The following CCT3 variants were observed in gnomAD, a reference collection of about 807,000 sequenced individuals.
The protein encoded by CCT3 is chaperonin containing TCP1 subunit 3, also known as T-complex protein 1 subunit gamma.
In CCT3, 10 loss-of-function variants were observed where a neutral mutation model predicts 65.3. That is an observed-to-expected ratio of 0.15 (90% CI 0.09 to 0.26). CCT3 has a LOEUF of 0.26. Among genes scored for constraint, CCT3 ranks in the 10% least tolerant of loss-of-function variants. The pLI is 1.00. For missense variants in CCT3, 626 were observed against 708.7 expected (o/e 0.88, Z 1.33); for synonymous variants, 225 against 242.3 (o/e 0.93, Z 0.66).
chr1:156,310,037 CAAAAAAAAA>C (rs71080758), intron 13 of CCT3, among the ~76,000 whole-genome samples: 1 of 76,494 alleles, frequency 1.3e-5, no homozygotes, highest in South Asian at 5.2e-4. Context: ...TAGTCTGTTT[CAAAAAAAAA>C]AAAAAAAAAA....
intron 13 of CCT3, among the ~76,000 whole-genome samples, chr1:156,310,195 C>T (rs1664021665): frequency 6.6e-6 from 1 of 152,056 alleles, no homozygotes; most frequent in Non-Finnish European, 1.5e-5. Flanking sequence ...TTACCCCTCC[C>T]TTCAAGACTA....
Position 156,310,702 on chromosome 1 carries a change from C to CAAGA in CCT3, c.1402-17_1402-14dup. 6.2e-7 allele frequency: 1 copy of CAAGA among 1,611,692 alleles called. No individual in the cohort carries two copies. The highest frequency in any genetic ancestry group is 2.2e-5 in the East Asian group (1 of 44,850). ...GGGTGTGCTTGGCCTGCAATTGAAGCAAGAAGTAAAGGGGAAAATAAGTTA... is the reference window on the plus strand; with the variant it reads ...GGGTGTGCTTGGCCTGCAATTGAAGCAAGAAAGAAGTAAAGGGGAAAATAAGTTA... On this transcript the variant is annotated splice_polypyrimidine_tract_variant and intron_variant, in intron 12 of 13. Transcript: ENST00000295688.
chr1:156,338,090 A>T, intron 1 of CCT3, 64 bp downstream of exon 1: 7 of 1,542,420 alleles, frequency 4.5e-6, no homozygotes, highest in Admixed American at 2.0e-5. Flanking sequence ...CTGGGGCAAC[A>T]CTGAAAAGTA....
At position 156,334,782 on chromosome 1, in the gene CCT3, T is replaced by C. The variant is rs1665262326; in HGVS notation, c.145-7A>G. The C allele has an allele frequency of 6.2e-7, 1 of 1,614,022 alleles. No homozygotes were observed. The highest frequency in any genetic ancestry group is 1.1e-5 in the South Asian group (1 of 91,080). ...CCATTGGGTCCAAAAGCATCTAAGA[T>C]GAAAGCAAAAGTTATATTTAAAGTG... On this transcript the variant is annotated splice_polypyrimidine_tract_variant and splice_region_variant and intron_variant, in intron 3 of 13. Coordinates refer to ENST00000295688, the MANE Select transcript of CCT3 (RefSeq NM_005998.5).
At chr1:156,328,198 T>TGGGG (rs565845931) in intron 5 of CCT3, among the ~76,000 whole-genome samples, 1 of 98,858 alleles carries the variant, frequency 1.0e-5, no homozygotes, top group Non-Finnish European at 2.2e-5. Flanking sequence ...GGGAGGGAGG[T>TGGGG]GGGGGGGGTC....
At chr1:156,335,248 G>A in intron 2 of CCT3, 1 of 250,672 alleles carries the variant, frequency 4.0e-6, no homozygotes, top group Non-Finnish European at 7.7e-6. Flanking sequence ...TTAGATATAG[G>A]ATGTGGCTAG....
intron 6 of CCT3, among the ~76,000 whole-genome samples, chr1:156,322,979 A>G (rs1003605007): frequency 6.6e-6 from 1 of 151,846 alleles, no homozygotes; most frequent in African/African-American, 2.4e-5. Context: ...TAAGTGTGCC[A>G]GACAAAGATA....
chr1:156,327,302 C>A (rs1664864242), intron 5 of CCT3, among the ~76,000 whole-genome samples: 1 of 151,400 alleles, frequency 6.6e-6, no homozygotes, highest in African/African-American at 2.4e-5. Context: ...TCCACGGTCT[C>A]CCTCTCCCTC....
chr1:156,335,923 G>A (rs1483904042), intron 1 of CCT3, 35 bp from the exon 2 acceptor site: 3 of 1,559,240 alleles, frequency 1.9e-6, no homozygotes, highest in Non-Finnish European at 2.7e-6. Flanking sequence ...AACAGCCCAG[G>A]ACTGCCCCAT....
intron 1 of CCT3, 146 bp from the exon 2 acceptor site, chr1:156,336,034 G>A: frequency 1.8e-6 from 1 of 560,380 alleles, no homozygotes; most frequent in Non-Finnish European, 3.1e-6. Context: ...CTTTAAATAA[G>A]TGCAGTTTAT....
chr1:156,313,362 A>G (rs952978551), intron 10 of CCT3, among the ~76,000 whole-genome samples: 3 of 146,086 alleles, frequency 2.1e-5, no homozygotes, highest in Non-Finnish European at 4.5e-5. Context: ...AAAAAAAAAA[A>G]AGAGAGAGAG....
At chr1:156,329,967 A>C (rs1234655892) in intron 5 of CCT3, among the ~76,000 whole-genome samples, 1 of 151,892 alleles carries the variant, frequency 6.6e-6, no homozygotes, top group East Asian at 1.9e-4. Context: ...AGCCTGAGTA[A>C]GATAACTTAG....
At chr1:156,336,305 T>A (rs1010412983) in intron 1 of CCT3, among the ~76,000 whole-genome samples, 8 of 135,614 alleles carry the variant, frequency 5.9e-5, no homozygotes, top group African/African-American at 2.0e-4. Flanking sequence ...GGAAAGAGGA[T>A]CCACAACTAT....
At chr1:156,337,835 G>A (rs765667520) in intron 1 of CCT3, 13 of 431,832 alleles carry the variant, frequency 3.0e-5, no homozygotes, top group Non-Finnish European at 5.0e-5. Context: ...GCTACATAGC[G>A]ACAATCAGGC....
At chr1:156,314,367 A>G (rs1295898916) in intron 10 of CCT3, among the ~76,000 whole-genome samples, 3 of 152,178 alleles carry the variant, frequency 2.0e-5, no homozygotes, top group South Asian at 2.1e-4. Flanking sequence ...GGGTTTCAAG[A>G]TATGAATCTT....
chr1:156,312,394 CTCACACTTGTAA>C (rs1172680332), intron 10 of CCT3, among the ~76,000 whole-genome samples, 173 bp from the exon 11 acceptor site: 1 of 152,102 alleles, frequency 6.6e-6, no homozygotes. Flanking sequence ...GGCACAGTGG[CTCACACTTGTAA>C]TCCCAGTACT....
intron 5 of CCT3, among the ~76,000 whole-genome samples, chr1:156,327,648 C>A (rs1428708989): frequency 2.6e-5 from 4 of 152,054 alleles, no homozygotes; most frequent in African/African-American, 9.7e-5. Flanking sequence ...CTACAACCAC[C>A]TCCCAGCCGC....
At chr1:156,313,350 G>GAAAAAAAAAAAAAAAAAAAAAAAAA (rs58926932) in intron 10 of CCT3, among the ~76,000 whole-genome samples, 1 of 106,718 alleles carries the variant, frequency 9.4e-6, no homozygotes, top group Non-Finnish European at 1.9e-5. Flanking sequence ...AAAAAAAAAA[G>GAAAAAAAAAAAAAAAAAAAAAAAAA]AAAAAAAAAA....
chr1:156,319,120 T>C, intron 7 of CCT3, 103 bp from the exon 8 acceptor site: 2 of 1,125,012 alleles, frequency 1.8e-6, no homozygotes, highest in Non-Finnish European at 2.5e-6. Context: ...TTCAGGTTTT[T>C]TTTTTTTTTT....
Sources: gnomAD v4.1 joint callset for allele counts (sites outside exome capture counted in the v4.1 genomes callset) on GRCh38, gnomAD v4.1.1 for gene constraint, MANE v1.5 for transcripts, NCBI Gene and HGNC (gene_info 2026-07-23, HGNC 2026-07-21) for gene names.